Variants in PDE1B observed in about 807,000 individuals in gnomAD.
PDE1B encodes the protein dual specificity calcium/calmodulin-dependent 3',5'-cyclic nucleotide phosphodiesterase 1B.
A neutral mutation model predicts 66.7 loss-of-function variants in PDE1B; 13 were observed. The ratio of observed to expected loss-of-function variants is 0.19; its 90% confidence interval spans 0.13 to 0.31. The LOEUF (loss-of-function observed/expected upper bound fraction) is 0.31, where lower values mean the gene tolerates loss of function less well. PDE1B is among the 10% of genes least tolerant of loss of function. PDE1B has a pLI of 1.00. For synonymous variants in PDE1B, 230 were observed against 253.9 expected, an observed-to-expected ratio of 0.91 and a Z score of 0.90; for missense variants, 485 against 682.3, an observed-to-expected ratio of 0.71 and a Z score of 3.22.
chr12:54,550,489 T>G (rs1466547462), intron 2 of PDE1B, among the ~76,000 whole-genome samples: 1 of 152,310 alleles, frequency 6.6e-6, no homozygotes, highest in African/African-American at 2.4e-5. Context: ...TTGGGATTGG[T>G]AGTTTCTGCC....
At chr12:54,577,179 G>A (rs1240383577) in intron 14 of PDE1B, 46 bp from the exon 15 acceptor site, 1 of 1,499,248 alleles carries the variant, frequency 6.7e-7, no homozygotes, top group African/African-American at 1.4e-5. Context: ...TTCTGGGGAA[G>A]AATACTTCTT....
intron 2 of PDE1B, among the ~76,000 whole-genome samples, chr12:54,565,745 G>A (rs560443444): frequency 6.6e-6 from 1 of 152,272 alleles, no homozygotes; most frequent in East Asian, 1.9e-4. Flanking sequence ...GGCCTGTGAT[G>A]CTTCCTGGGG....
chr12:54,561,650 G>A (rs1957414774), intron 2 of PDE1B: 3 of 1,527,964 alleles, frequency 2.0e-6, no homozygotes, highest in Non-Finnish European at 2.6e-6. Context: ...AGGTGCCAGG[G>A]ATGAGAAGAG....
rs1472439932 is a variant in PDE1B, at chr12:54,549,730, C to G, written c.-56C>G. ...GAGCTGCAGCTCTGCCAGCTTGGGC[C>G]GAGCCTAGAGACACCGGCCTGGCTG... On this transcript the variant is annotated 5_prime_UTR_variant, in exon 1 of 16. Coordinates refer to ENST00000243052, the MANE Select transcript of PDE1B (RefSeq NM_000924.4). 2 of 572,464 alleles carry G rather than the reference C, an allele frequency of 3.5e-6. No homozygotes were observed. Among genetic ancestry groups the G allele is most frequent in the South Asian group, 2.4e-5 (1 of 41,134 alleles). 35.5% of individuals were successfully genotyped at this position (572,464 alleles called of 1,614,324 possible).
intron 7 of PDE1B, 64 bp downstream of exon 7, chr12:54,572,805 A>G: frequency 6.8e-7 from 1 of 1,478,044 alleles, no homozygotes; most frequent in Non-Finnish European, 9.4e-7. Flanking sequence ...TGGGAGGTCT[A>G]GACTGTACTC....
Position 54,569,601 on chromosome 12 carries a change from A to AACTGTC in PDE1B, c.467_472dup (p.Cys157_Leu158insHisCys). The AACTGTC allele has an allele frequency of 6.2e-7, 1 of 1,612,180 alleles. No individual in the cohort carries two copies. The highest frequency in any genetic ancestry group is 8.5e-7 in the Non-Finnish European group (1 of 1,178,274). On this transcript the variant is annotated inframe_insertion, in exon 5 of 16. Transcript: ENST00000243052. This position sits in a 1 kb window ranked among gnomAD's most constrained non-coding sequence, Gnocchi z 4.4. ...CCCCACTTACTCTACTGCGGTTCTC[A>AACTGTC]ACTGTCTCAAGGTAATCTCTGGGTT...
rs1305147307 is a variant in PDE1B at position 54,567,189 on chromosome 12, C to T, written c.227+102C>T. 24 of 610,306 alleles carry T rather than the reference C, an allele frequency of 3.9e-5. 1 individual carries two copies. Among genetic ancestry groups the T allele is most frequent in the Admixed American group, 8.2e-5 (3 of 36,412 alleles). 37.8% of individuals were successfully genotyped at this position (610,306 alleles called of 1,614,324 possible). ...AGACACATGTGGCATGGACAGAGAC[C>T]GGAAGAAAGAGAGAGGGTGGACCAG... is the stretch of plus-strand genomic sequence containing the variant. On this transcript the variant is annotated intron_variant, in intron 3 of 15. Transcript: ENST00000243052.
chr12:54,553,717 A>G (rs1010477200), intron 2 of PDE1B, among the ~76,000 whole-genome samples: 2 of 152,048 alleles, frequency 1.3e-5, no homozygotes, highest in African/African-American at 2.4e-5. Flanking sequence ...AGGTGGAGGA[A>G]AGGGAGATGA....
intron 2 of PDE1B, among the ~76,000 whole-genome samples, chr12:54,557,937 T>A (rs976271306): frequency 6.6e-6 from 1 of 151,784 alleles, no homozygotes; most frequent in Non-Finnish European, 1.5e-5. Context: ...TCCCAATTCC[T>A]CTCTCTCTCA....
rs774810310 is a variant in PDE1B at position 54,573,870 on chromosome 12, A to AGAGAGAGTGT, written c.1064+162_1064+163insAGAGAGTGTG. The AGAGAGAGTGT allele has an allele frequency of 1.2e-3, 594 of 502,024 alleles. 6 individuals are homozygous for AGAGAGAGTGT. The highest frequency in any genetic ancestry group is 0.011 in the African/African-American group (501 of 44,910). The allele number at this position is 502,024 out of a possible 1,614,324, so 31.1% of individuals were successfully genotyped here. A position where few individuals can be genotyped will look rare whatever the true frequency, so the allele number is the denominator to read the frequency against. ...GCATCTCTATGTGAGAGAGAGAGAG[A>AGAGAGAGTGT]GTGTGTGTGTGTGTGTGTGTGTGTG... On this transcript the variant is annotated intron_variant, in intron 10 of 15. Coordinates refer to ENST00000243052, the MANE Select transcript of PDE1B (RefSeq NM_000924.4). The surrounding 1 kb of genome is among the most constrained non-coding windows in gnomAD (Gnocchi z 5.2).
chr12:54,565,728 G>A (rs1957501763), intron 2 of PDE1B, among the ~76,000 whole-genome samples: 1 of 152,180 alleles, frequency 6.6e-6, no homozygotes, highest in Non-Finnish European at 1.5e-5. Context: ...GCCCTGAGGT[G>A]AGAACTGGCC....
intron 2 of PDE1B, among the ~76,000 whole-genome samples, chr12:54,560,979 C>G (rs1385380536): frequency 2.0e-5 from 3 of 152,162 alleles, no homozygotes; most frequent in Non-Finnish European, 4.4e-5. Flanking sequence ...CACCTAGCTT[C>G]AGGAAGCCCC....
chr12:54,562,742 G>T (rs1227390433), intron 2 of PDE1B, among the ~76,000 whole-genome samples: 1 of 152,154 alleles, frequency 6.6e-6, no homozygotes, highest in Non-Finnish European at 1.5e-5. Flanking sequence ...ACTTCAGGAG[G>T]TTGCAGTTCA....
At chr12:54,562,273 T>G (rs907057608) in intron 2 of PDE1B, among the ~76,000 whole-genome samples, 2 of 152,040 alleles carry the variant, frequency 1.3e-5, no homozygotes, top group Non-Finnish European at 2.9e-5. Flanking sequence ...TCTTCTGAGG[T>G]GTTGGGGTTA....
At chr12:54,567,878 A>G (rs527466492) in intron 3 of PDE1B, among the ~76,000 whole-genome samples, 49 of 151,862 alleles carry the variant, frequency 3.2e-4, no homozygotes, top group African/African-American at 1.2e-3. Flanking sequence ...TTGTTTTGAG[A>G]CAGAGTTTAC....
At position 54,569,539 on chromosome 12, in the gene PDE1B, C is replaced by T. The variant is rs371693097; in HGVS notation, c.411-7C>T. ...TATGTGGGCTTCTTCTCATTGTTCT[C>T]TCTCAGGATGTTCCGGAGAACATAC... is the stretch of plus-strand genomic sequence containing the variant. On this transcript the variant is annotated splice_region_variant and splice_polypyrimidine_tract_variant and intron_variant, in intron 4 of 15. Transcript: ENST00000243052. This position sits in a 1 kb window ranked among gnomAD's most constrained non-coding sequence, Gnocchi z 4.4. 122 of 1,612,568 alleles carry T rather than the reference C, an allele frequency of 7.6e-5. No individual in the cohort carries two copies. Among genetic ancestry groups the T allele is most frequent in the South Asian group, 7.3e-4 (66 of 91,032 alleles).
chr12:54,556,382 G>A (rs1053608460), intron 2 of PDE1B, among the ~76,000 whole-genome samples: 1 of 152,178 alleles, frequency 6.6e-6, no homozygotes, highest in Non-Finnish European at 1.5e-5. Flanking sequence ...TGACTGAGAA[G>A]GGAAAAGGAT....
Position 54,573,011 on chromosome 12 carries a change from A to G in PDE1B, c.736-137A>G, listed in dbSNP as rs1957644649. 1 of 722,570 alleles carries G rather than the reference A, an allele frequency of 1.4e-6. No homozygotes were observed. Among genetic ancestry groups the G allele is most frequent in the South Asian group, 1.7e-5 (1 of 58,120 alleles). 44.8% of individuals were successfully genotyped at this position (722,570 alleles called of 1,614,324 possible). On this transcript the variant is annotated intron_variant, in intron 7 of 15. Coordinates refer to ENST00000243052, the MANE Select transcript of PDE1B (RefSeq NM_000924.4). This position sits in a 1 kb window ranked among gnomAD's most constrained non-coding sequence, Gnocchi z 5.2. ...TCCTTGGCCATTTCAGGAGCTGAGA[A>G]ACCTGGCTGCATTAACCAAGAGCTG... is the stretch of plus-strand genomic sequence containing the variant.
At chr12:54,552,011 C>CA (rs1320662488) in intron 2 of PDE1B, among the ~76,000 whole-genome samples, 1 of 152,096 alleles carries the variant, frequency 6.6e-6, no homozygotes, top group Non-Finnish European at 1.5e-5. Flanking sequence ...ATAACTTACC[C>CA]AAAAAAGTAC....
Sources: allele counts gnomAD v4.1 joint callset (sites outside exome capture counted in the v4.1 genomes callset), GRCh38; gene constraint gnomAD v4.1.1; non-coding constraint Gnocchi (gnomAD v3.1); transcripts MANE v1.5; gene names NCBI Gene and HGNC (gene_info 2026-07-23, HGNC 2026-07-21).